The following ALG13 variants were observed in gnomAD, a reference collection of about 807,000 sequenced individuals.
The protein encoded by ALG13 is ALG13 UDP-N-acetylglucosaminyltransferase subunit.
ALG13 carries 11 observed loss-of-function variants against 87.8 expected under a neutral mutation model. That is an observed-to-expected ratio of 0.13 (90% confidence interval 0.08 to 0.21). The LOEUF (loss-of-function observed/expected upper bound fraction) is 0.21, where lower values mean the gene tolerates loss of function less well. Ranked by LOEUF, ALG13 falls within the 10% of genes least tolerant of loss-of-function variation. The pLI is 1.00. For missense variants in ALG13, 756 were observed against 866.1 expected (o/e 0.87, Z 1.60); for synonymous variants, 320 against 306.3 (o/e 1.04, Z -0.47).
chrX:111,681,891 C>T (rs1933435810), intron 1 of ALG13: 2 of 915,275 alleles, frequency 2.2e-6, no homozygotes, highest in Non-Finnish European at 2.7e-6. Context: ...AAAGTCTTTT[C>T]CTGCTGTGGC....
intron 3 of ALG13, among the ~76,000 whole-genome samples, chrX:111,691,804 A>G (rs533813879): frequency 1.8e-5 from 2 of 112,657 alleles, no homozygotes; most frequent in African/African-American, 6.4e-5. Flanking sequence ...AACCACAGTG[A>G]TGGCTACTCA....
At chrX:111,730,133 A>G (rs1942513620) in intron 19 of ALG13, among the ~76,000 whole-genome samples, 1 of 112,418 alleles carries the variant, frequency 8.9e-6, no homozygotes, top group African/African-American at 3.2e-5. Flanking sequence ...AAAATTGGAC[A>G]CAACTGAGTT....
At chrX:111,732,477 G>A (rs1942804185) in intron 21 of ALG13, among the ~76,000 whole-genome samples, 1 of 111,786 alleles carries the variant, frequency 8.9e-6, no homozygotes. Flanking sequence ...AGGGACCCAG[G>A]CTGATGGACA....
chrX:111,700,455 GA>G (rs1348374889), intron 3 of ALG13, among the ~76,000 whole-genome samples: 2 of 110,920 alleles, frequency 1.8e-5, no homozygotes, highest in Non-Finnish European at 3.8e-5. Flanking sequence ...GATCTCAGAG[GA>G]AAAGCTTTCG....
Position 111,708,439 on chromosome X carries a change from A to C in ALG13, c.750+46A>C. ...CCCTGTACTGAGTTTTCAGAGTTTG[A>C]GACATGGGATGGTCCTGTAGTTTGC... On this transcript the variant is annotated intron_variant, in intron 4 of 26. Coordinates refer to ENST00000394780, the MANE Select transcript of ALG13 (RefSeq NM_001099922.3). The C allele has an allele frequency of 6.9e-6, 8 of 1,167,153 alleles. No homozygotes were observed. The South Asian group carries it at 1.6e-4, about 23-fold the overall frequency.
rs1472307628 is a variant in ALG13, at chrX:111,712,952, A to G, written c.933-273A>G. 4.5e-5 allele frequency among the ~76,000 whole-genome samples: 5 copies of G among 111,164 alleles called. No individual in the cohort carries two copies. In the Admixed American group the frequency reaches 4.8e-4, roughly 11 times the overall value. On this transcript the variant is annotated intron_variant, in intron 7 of 26. Coordinates refer to ENST00000394780, the MANE Select transcript of ALG13 (RefSeq NM_001099922.3). ...CATCCCCCAACTCACAGACATACAT[A>G]CAATTGATAATTGGTTGTCTTTACC...
chrX:111,720,557 A>G (rs2148140723), intron 11 of ALG13, among the ~76,000 whole-genome samples: 1 of 111,700 alleles, frequency 9.0e-6, no homozygotes, highest in South Asian at 3.7e-4. Flanking sequence ...AAGTTAGAGA[A>G]ACAGAAATTT....
At position 111,707,378 on chromosome X, in the gene ALG13, G is replaced by A. The variant is rs145978577; in HGVS notation, c.384-649G>A. Among the ~76,000 whole-genome samples, 592 of 111,895 alleles carry A rather than the reference G, an allele frequency of 5.3e-3. 4 individuals are homozygous for A. Among genetic ancestry groups the A allele is most frequent in the African/African-American group, 0.017 (527 of 30,792 alleles). On this transcript the variant is annotated intron_variant, in intron 3 of 26. Coordinates refer to ENST00000394780, the MANE Select transcript of ALG13 (RefSeq NM_001099922.3). ...GCCATATAGTAGTTTGGAGGCATTA[G>A]TCAAGAATTGTATAAAGTTTCCCTA...
rs193091810 is a variant in ALG13, at chrX:111,689,803, C to G, written c.383+4700C>G. On this transcript the variant is annotated intron_variant, in intron 3 of 26. Coordinates refer to ENST00000394780, the MANE Select transcript of ALG13 (RefSeq NM_001099922.3). The stretch of plus-strand genomic sequence containing the variant: ...AATATATGTTGTAAGCTTTTTGTTT[C>G]TTTATAGTTGTTTGCCTAGTGTTCA... 16 of 751,589 alleles carry G rather than the reference C, an allele frequency of 2.1e-5. No individual in the cohort carries two copies. In the East Asian group the frequency reaches 2.4e-3, roughly 114 times the overall value. The allele number at this position is 751,589 out of a possible 1,213,427, so 61.9% of individuals were successfully genotyped here.
At chrX:111,744,601 G>A in intron 23 of ALG13, 67 bp from the exon 24 acceptor site, 1 of 1,087,454 alleles carries the variant, frequency 9.2e-7, no homozygotes. Flanking sequence ...AAGAAAAGTA[G>A]ATGAGCCTAC....
chrX:111,746,793 C>T (rs1433768256), intron 24 of ALG13, among the ~76,000 whole-genome samples: 1 of 111,952 alleles, frequency 8.9e-6, no homozygotes, highest in East Asian at 2.8e-4. Context: ...TTTACACTTC[C>T]ACCAGCAGCG....
At chrX:111,726,235 T>G (rs1942007752) in intron 15 of ALG13, among the ~76,000 whole-genome samples, 2 of 95,403 alleles carry the variant, frequency 2.1e-5, no homozygotes, top group Admixed American at 2.2e-4. Flanking sequence ...GTGTTTTGTT[T>G]TTTTTTTTTT....
chrX:111,741,828 T>C (rs1445286554), intron 23 of ALG13, among the ~76,000 whole-genome samples: 5 of 106,768 alleles, frequency 4.7e-5, no homozygotes, highest in African/African-American at 1.7e-4. Context: ...AAAAAAAAAG[T>C]GCTTAGCACA....
intron 2 of ALG13, among the ~76,000 whole-genome samples, chrX:111,683,075 G>A (rs748308708): frequency 9.2e-6 from 1 of 109,055 alleles, no homozygotes; most frequent in Non-Finnish European, 1.9e-5. Flanking sequence ...CAACAGATTC[G>A]TGATTAAAAA....
chrX:111,682,326 C>G, intron 2 of ALG13, 32 bp downstream of exon 2: 1 of 1,106,771 alleles, frequency 9.0e-7, no homozygotes, highest in South Asian at 2.3e-5. Flanking sequence ...AGGGTTGGGT[C>G]TTTTAATTTT....
intron 3 of ALG13, among the ~76,000 whole-genome samples, chrX:111,690,618 T>A (rs1471548969): frequency 9.0e-6 from 1 of 110,798 alleles, no homozygotes; most frequent in Non-Finnish European, 1.9e-5. Flanking sequence ...TTTTAATTTT[T>A]TTTTTTTTGT....
chrX:111,725,251 C>T (rs906931281), intron 15 of ALG13, among the ~76,000 whole-genome samples, 190 bp downstream of exon 15: 2 of 111,905 alleles, frequency 1.8e-5, no homozygotes, highest in Non-Finnish European at 1.9e-5. Flanking sequence ...TTGTAGGGTG[C>T]TTCATAGCAT....
intron 24 of ALG13, among the ~76,000 whole-genome samples, chrX:111,748,299 A>C (rs1040167623): frequency 2.7e-5 from 3 of 112,309 alleles, no homozygotes; most frequent in African/African-American, 9.7e-5. Flanking sequence ...GAACTCTAAC[A>C]TATAAATTAT....
Position 111,713,316 on chromosome X carries a change from G to T in ALG13, c.1005+19G>T. 1 of 1,069,918 alleles carries T rather than the reference G, an allele frequency of 9.3e-7. No individual in the cohort carries two copies. The highest frequency in any genetic ancestry group is 1.3e-6 in the Non-Finnish European group (1 of 774,949). 88.2% of individuals were successfully genotyped at this position (1,069,918 alleles called of 1,213,427 possible). On this transcript the variant is annotated intron_variant, in intron 8 of 26. Transcript: ENST00000394780. The stretch of plus-strand genomic sequence containing the variant: ...AGACAAGGTAAGAAGATGAGTGAAT[G>T]TTGACTTATATAAAAGAAGTTGAAT...
Sources: gnomAD v4.1 joint callset for allele counts (sites outside exome capture counted in the v4.1 genomes callset) on GRCh38, gnomAD v4.1.1 for gene constraint, MANE v1.5 for transcripts, NCBI Gene and HGNC (gene_info 2026-07-23, HGNC 2026-07-21) for gene names.